The following KIAA1328 variants were observed in gnomAD, a reference collection of about 807,000 sequenced individuals.
KIAA1328 encodes the protein protein hinderin.
KIAA1328 carries 52 observed loss-of-function variants against 68.1 expected under a neutral mutation model. The observed-to-expected ratio is 0.76, with a 90% CI of 0.61 to 0.96. KIAA1328 has a LOEUF of 0.96. Ranked by LOEUF, KIAA1328 falls within the 40% of genes least tolerant of loss-of-function variation. The pLI, the probability that KIAA1328 is intolerant of heterozygous loss-of-function variation, is 0.00. For synonymous variants in KIAA1328, 232 were observed against 239.4 expected, an observed-to-expected ratio of 0.97 and a Z score of 0.28; for missense variants, 641 against 677.6, an observed-to-expected ratio of 0.95 and a Z score of 0.60.
chr18:37,186,560 C>A, intron 9 of KIAA1328, among the ~76,000 whole-genome samples: 1 of 103,296 alleles, frequency 9.7e-6, no homozygotes, highest in African/African-American at 4.1e-5. Flanking sequence ...GAGTGAAACC[C>A]TATCAAAAAA....
intron 6 of KIAA1328, among the ~76,000 whole-genome samples, chr18:37,047,931 T>A (rs1287313130): frequency 6.6e-6 from 1 of 152,162 alleles, no homozygotes; most frequent in Non-Finnish European, 1.5e-5. Context: ...AGAGGGAGTA[T>A]AATGACACCA....
At chr18:36,956,583 G>A (rs1202767356) in intron 5 of KIAA1328, among the ~76,000 whole-genome samples, 2 of 150,866 alleles carry the variant, frequency 1.3e-5, no homozygotes, top group African/African-American at 4.9e-5. Flanking sequence ...TATCAAGAAA[G>A]ACATTAAAAA....
intron 6 of KIAA1328, among the ~76,000 whole-genome samples, chr18:36,974,043 T>A (rs1007894942): frequency 6.6e-6 from 1 of 152,160 alleles, no homozygotes; most frequent in Non-Finnish European, 1.5e-5. Context: ...TTGGGCACAG[T>A]GGTCAAAATA....
intron 7 of KIAA1328, among the ~76,000 whole-genome samples, chr18:37,101,485 C>T (rs140620066): frequency 0.025 from 3,880 of 152,170 alleles, 63 homozygotes; most frequent in Middle Eastern, 0.075. Context: ...TAAAAGGAAA[C>T]GAACGAAGCC....
intron 6 of KIAA1328, among the ~76,000 whole-genome samples, chr18:36,990,844 G>A (rs2053148709): frequency 6.6e-6 from 1 of 152,068 alleles, no homozygotes; most frequent in Non-Finnish European, 1.5e-5. Context: ...TTAAATGGTA[G>A]ATTTTGAATT....
At chr18:37,121,299 A>T (rs919639162) in intron 7 of KIAA1328, among the ~76,000 whole-genome samples, 4 of 152,256 alleles carry the variant, frequency 2.6e-5, no homozygotes, top group Non-Finnish European at 4.4e-5. Flanking sequence ...AAGGAAATCT[A>T]TTGTCTTCTA....
downstream of KIAA1328, among the ~76,000 whole-genome samples, chr18:37,227,561 C>G (rs2060646504): frequency 6.6e-6 from 1 of 152,206 alleles, no homozygotes; most frequent in South Asian, 2.1e-4. Context: ...TGCCCATGCT[C>G]TATAAAAGGA....
chr18:37,042,031 C>T (rs1241739720), intron 6 of KIAA1328, among the ~76,000 whole-genome samples: 2 of 152,154 alleles, frequency 1.3e-5, no homozygotes, highest in East Asian at 3.9e-4. Flanking sequence ...CAGGCATGCA[C>T]CACCACACCT....
chr18:37,180,031 A>C (rs895254890), intron 9 of KIAA1328, among the ~76,000 whole-genome samples: 2 of 148,654 alleles, frequency 1.3e-5, no homozygotes, highest in African/African-American at 4.9e-5. Flanking sequence ...AGAATTCTGG[A>C]TTGACAGCTG....
At chr18:36,869,017 A>C (rs1245431461) in intron 4 of KIAA1328, among the ~76,000 whole-genome samples, 1 of 149,474 alleles carries the variant, frequency 6.7e-6, no homozygotes, top group African/African-American at 2.4e-5. Flanking sequence ...TAGAGGGCCT[A>C]ATTTTTCAGT....
chr18:37,021,994 C>T (rs1292322685), intron 6 of KIAA1328, among the ~76,000 whole-genome samples: 1 of 151,950 alleles, frequency 6.6e-6, no homozygotes, highest in Non-Finnish European at 1.5e-5. Context: ...GAGCCGAGAT[C>T]GTGCCACCGC....
chr18:37,067,972 G>A (rs982591307), intron 7 of KIAA1328, among the ~76,000 whole-genome samples: 5 of 152,104 alleles, frequency 3.3e-5, no homozygotes, highest in Admixed American at 6.5e-5. Context: ...TGGCTTACTC[G>A]AGATGCATAT....
At chr18:37,117,334 T>A (rs1205072681) in intron 7 of KIAA1328, among the ~76,000 whole-genome samples, 1 of 152,194 alleles carries the variant, frequency 6.6e-6, no homozygotes, top group Non-Finnish European at 1.5e-5. Context: ...TGAGTTCATG[T>A]CATTTGTGGG....
chr18:37,167,208 A>T (rs999503591), intron 8 of KIAA1328, among the ~76,000 whole-genome samples: 6 of 152,198 alleles, frequency 3.9e-5, no homozygotes, highest in Admixed American at 3.3e-4. Flanking sequence ...CTAGGGGTAG[A>T]TGTTTACAGC....
At chr18:37,075,794 A>G (rs1051143729) in intron 7 of KIAA1328, 3 of 152,242 alleles carry the variant, frequency 2.0e-5, no homozygotes, top group Non-Finnish European at 4.4e-5. Flanking sequence ...TATCCTAAAT[A>G]TATATGCACC....
At chr18:37,092,946 C>T (rs1287157504) in intron 7 of KIAA1328, among the ~76,000 whole-genome samples, 1 of 152,176 alleles carries the variant, frequency 6.6e-6, no homozygotes, top group African/African-American at 2.4e-5. Flanking sequence ...GAGACTGAGA[C>T]TGGCACACTC....
intron 8 of KIAA1328, among the ~76,000 whole-genome samples, chr18:37,168,170 G>A (rs879859460): frequency 1.2e-4 from 18 of 152,316 alleles, no homozygotes; most frequent in Middle Eastern, 3.4e-3. Context: ...ATTCTTTCAT[G>A]CTATCTGCCC....
chr18:37,152,401 G>T (rs1016435160), intron 7 of KIAA1328, among the ~76,000 whole-genome samples: 1 of 152,106 alleles, frequency 6.6e-6, no homozygotes, highest in Admixed American at 6.5e-5. Flanking sequence ...AGATGATAAG[G>T]GTCTAAAGTT....
intron 4 of KIAA1328, among the ~76,000 whole-genome samples, chr18:36,870,016 C>T (rs774438956): frequency 6.6e-6 from 1 of 151,966 alleles, no homozygotes; most frequent in African/African-American, 2.4e-5. Flanking sequence ...GTGCGCGCCA[C>T]CACGTCCAGC....
Sources: allele counts gnomAD v4.1 joint callset (sites outside exome capture counted in the v4.1 genomes callset), GRCh38; gene constraint gnomAD v4.1.1; transcripts MANE v1.5; gene names NCBI Gene and HGNC (gene_info 2026-07-23, HGNC 2026-07-21).